Variants in LRRC20 observed in about 807,000 individuals in gnomAD.
LRRC20 encodes leucine-rich repeat-containing protein 20.
In LRRC20, 11 loss-of-function variants were observed where a neutral mutation model predicts 14.4. The ratio of observed to expected loss-of-function variants is 0.77; its 90% CI spans 0.48 to 1.27. The LOEUF is 1.27. LRRC20 is among the 50% of genes most tolerant of loss of function. The pLI, the probability that LRRC20 is intolerant of heterozygous loss-of-function variation, is 0.00. For synonymous variants in LRRC20, 121 were observed against 107.3 expected, an observed-to-expected ratio of 1.13 and a Z score of -0.79; for missense variants, 219 against 251.2, an observed-to-expected ratio of 0.87 and a Z score of 0.87.
At chr10:70,365,339 C>T (rs1843941782) in intron 2 of LRRC20, among the ~76,000 whole-genome samples, 1 of 152,030 alleles carries the variant, frequency 6.6e-6, no homozygotes, top group South Asian at 2.1e-4. Flanking sequence ...ATTACAGGCG[C>T]GAGCCACCGC....
intron 2 of LRRC20, among the ~76,000 whole-genome samples, chr10:70,355,227 A>G (rs1266601619): frequency 1.3e-5 from 2 of 152,192 alleles, no homozygotes. Flanking sequence ...CACTTTAACA[A>G]AGCTGTTTGT....
intron 4 of LRRC20, among the ~76,000 whole-genome samples, chr10:70,319,921 G>A (rs1374678410): frequency 6.6e-6 from 1 of 152,190 alleles, no homozygotes; most frequent in African/African-American, 2.4e-5. Context: ...CATCTGGGTG[G>A]GAGACACCTG....
chr10:70,337,935 C>T (rs554909746), intron 3 of LRRC20, among the ~76,000 whole-genome samples: 2 of 152,240 alleles, frequency 1.3e-5, no homozygotes, highest in Non-Finnish European at 1.5e-5. Flanking sequence ...TGACTGTGCC[C>T]TTTCTGAGGG....
chr10:70,382,262 A>T (rs1386737737), intron 1 of LRRC20, among the ~76,000 whole-genome samples: 1 of 152,190 alleles, frequency 6.6e-6, no homozygotes, highest in Non-Finnish European at 1.5e-5. Flanking sequence ...CGAGCTCCCT[A>T]TTCCCTGGCA....
intron 4 of LRRC20, among the ~76,000 whole-genome samples, chr10:70,308,469 G>A (rs966286991): frequency 1.3e-5 from 2 of 152,120 alleles, no homozygotes; most frequent in South Asian, 4.2e-4. Flanking sequence ...GGGGTGACCT[G>A]GCCTCTCAGT....
At chr10:70,356,901 A>G (rs1471018229) in intron 2 of LRRC20, among the ~76,000 whole-genome samples, 1 of 152,210 alleles carries the variant, frequency 6.6e-6, no homozygotes, top group Non-Finnish European at 1.5e-5. Flanking sequence ...ACACCTGTAT[A>G]TAAATGTTCA....
chr10:70,300,281 G>T lies in LRRC20; in HGVS notation c.*1073C>A, dbSNP rs1319247401. 2.3e-6 allele frequency: 2 copies of T among 851,466 alleles called. No homozygotes were observed. The highest frequency in any genetic ancestry group is 1.4e-6 in the Non-Finnish European group (1 of 707,932). The allele number at this position is 851,466 out of a possible 1,614,324, so 52.7% of individuals were successfully genotyped here. A position where few individuals can be genotyped will look rare whatever the true frequency, so the allele number is the denominator to read the frequency against. On this transcript the variant is annotated 3_prime_UTR_variant, in exon 5 of 5. Transcript: ENST00000446961. ...CAACCATCCCCACTTGCTGGGTACTGTCCCAGTTTTAGCATTGAAAGTTCC... is the reference window on the plus strand; with the variant it reads ...CAACCATCCCCACTTGCTGGGTACTTTCCCAGTTTTAGCATTGAAAGTTCC...
chr10:70,347,006 C>T (rs1164145700), intron 2 of LRRC20, among the ~76,000 whole-genome samples: 1 of 152,158 alleles, frequency 6.6e-6, no homozygotes, highest in Non-Finnish European at 1.5e-5. Context: ...CCACCTCAGC[C>T]TCCCAAGTAG....
rs188062923 is a variant in LRRC20, at chr10:70,369,033, A to G, written c.82+7419T>C. ...GGAACTGACAGAGGGACATTTGCCC[A>G]TGAAAGCAGTCCATGGGGGCTGTCC... On this transcript the variant is annotated intron_variant, in intron 2 of 4. Transcript: ENST00000446961. Among the ~76,000 whole-genome samples, 373 of 152,352 alleles carry G rather than the reference A, an allele frequency of 2.4e-3. 1 individual carries two copies. The highest frequency in any genetic ancestry group is 8.4e-3 in the Admixed American group (129 of 15,308).
intron 4 of LRRC20, among the ~76,000 whole-genome samples, chr10:70,320,116 G>A (rs558757154): frequency 6.6e-6 from 1 of 152,346 alleles, no homozygotes; most frequent in East Asian, 1.9e-4. Context: ...GGCAGGTGAA[G>A]GGGAGGGATG....
intron 2 of LRRC20, among the ~76,000 whole-genome samples, chr10:70,369,790 G>A (rs1844192385): frequency 6.6e-6 from 1 of 152,046 alleles, no homozygotes; most frequent in East Asian, 1.9e-4. Flanking sequence ...CATTTAATAA[G>A]GGCAAGTCCA....
At chr10:70,380,622 T>C (rs1331468853) in intron 1 of LRRC20, among the ~76,000 whole-genome samples, 4 of 152,112 alleles carry the variant, frequency 2.6e-5, no homozygotes, top group African/African-American at 9.7e-5. Context: ...CAATAGAGGG[T>C]AGGCCTTAGA....
chr10:70,380,536 C>T (rs945665243), intron 1 of LRRC20, among the ~76,000 whole-genome samples: 1 of 152,216 alleles, frequency 6.6e-6, no homozygotes, highest in African/African-American at 2.4e-5. Context: ...AAACAGACAC[C>T]ATCAGCCCAC....
rs1841167127 is a variant in LRRC20, at chr10:70,301,266, A to G, written c.*88T>C. On this transcript the variant is annotated 3_prime_UTR_variant, in exon 5 of 5. Transcript: ENST00000446961. ...CTCGGCCCACCCGCCCCCAGCCCCCAGGCTTGGCCTCCCATGGGCCTCCCT... is the reference window on the plus strand; with the variant it reads ...CTCGGCCCACCCGCCCCCAGCCCCCGGGCTTGGCCTCCCATGGGCCTCCCT... 7.1e-7 allele frequency: 1 copy of G among 1,415,020 alleles called. No individual in the cohort carries two copies. Among genetic ancestry groups the G allele is most frequent in the Non-Finnish European group, 9.3e-7 (1 of 1,079,188 alleles). 87.7% of individuals were successfully genotyped at this position (1,415,020 alleles called of 1,614,324 possible). A position where few individuals can be genotyped will look rare whatever the true frequency, so the allele number is the denominator to read the frequency against.
Position 70,340,538 on chromosome 10 carries a change from C to T in LRRC20, c.232+15G>A, listed in dbSNP as rs773664751. 3 of 1,613,740 alleles carry T rather than the reference C, an allele frequency of 1.9e-6. No homozygotes were observed. In the African/African-American group the frequency reaches 4.0e-5, roughly 22 times the overall value. On this transcript the variant is annotated intron_variant, in intron 3 of 4. Transcript: ENST00000446961. ...GCTGGCCATGCCCTCCTGGCTGGAG[C>T]TGACCAGGGCCTACCTCGGAGCTGA...
chr10:70,300,188 G>T lies in LRRC20; in HGVS notation c.*1166C>A. ...GAGGTAGATACCTGAGGACCAAGCA[G>T]TCAAGGTTCTTCAAGCCACAGGCGT... On this transcript the variant is annotated 3_prime_UTR_variant, in exon 5 of 5. Transcript: ENST00000446961. The T allele has an allele frequency of 5.2e-6, 1 of 193,334 alleles. No individual in the cohort carries two copies. Among genetic ancestry groups the T allele is most frequent in the Non-Finnish European group, 9.5e-6 (1 of 105,502 alleles). 12.0% of individuals were successfully genotyped at this position (193,334 alleles called of 1,614,324 possible).
intron 1 of LRRC20, among the ~76,000 whole-genome samples, chr10:70,379,735 A>G (rs1286459130): frequency 6.6e-6 from 1 of 152,204 alleles, no homozygotes. Flanking sequence ...AATATTTTCA[A>G]TCAGGCACTA....
At chr10:70,368,161 T>TTC (rs2137138381) in intron 2 of LRRC20, among the ~76,000 whole-genome samples, 1 of 140,344 alleles carries the variant, frequency 7.1e-6, no homozygotes, top group East Asian at 2.0e-4. Context: ...TTTTTGCTTT[T>TTC]TTTTTTTTTT....
intron 3 of LRRC20, among the ~76,000 whole-genome samples, chr10:70,327,243 T>C (rs1028084645): frequency 6.6e-6 from 1 of 152,188 alleles, no homozygotes; most frequent in African/African-American, 2.4e-5. Context: ...TCTGTGAGGT[T>C]TTCTGGAGGA....
Sources: gnomAD v4.1 joint callset for allele counts (sites outside exome capture counted in the v4.1 genomes callset) on GRCh38, gnomAD v4.1.1 for gene constraint, MANE v1.5 for transcripts, NCBI Gene and HGNC (gene_info 2026-07-23, HGNC 2026-07-21) for gene names.